Variants in CEP63 observed in about 807,000 individuals in gnomAD.
CEP63 encodes the protein centrosomal protein 63.
CEP63 carries 84 observed loss-of-function variants against 89.1 expected under a neutral mutation model. The observed-to-expected ratio is 0.94, with a 90% CI of 0.79 to 1.13. The LOEUF (loss-of-function observed/expected upper bound fraction) is 1.13. CEP63 is among the 50% of genes most tolerant of loss of function. CEP63 has a pLI of 0.00. For missense variants in CEP63, 838 were observed against 813.3 expected, an observed-to-expected ratio of 1.03 and a Z score of -0.37; for synonymous variants, 267 against 272.5, an observed-to-expected ratio of 0.98 and a Z score of 0.20.
downstream of CEP63, among the ~76,000 whole-genome samples, chr3:134,588,227 T>A (rs1226165847): frequency 6.6e-6 from 1 of 151,950 alleles, no homozygotes; most frequent in African/African-American, 2.4e-5. Flanking sequence ...GGATAGAGGT[T>A]GCAGTGAGCT....
chr3:134,624,964 T>A, the CEP63 span: 2 of 1,131,370 alleles, frequency 1.8e-6, no homozygotes, highest in Non-Finnish European at 2.6e-6. Flanking sequence ...TCAGGATATG[T>A]TCAGGAGGTG....
At chr3:134,514,919 A>T (rs553498705) in intron 3 of CEP63, among the ~76,000 whole-genome samples, 1 of 152,292 alleles carries the variant, frequency 6.6e-6, no homozygotes, top group African/African-American at 2.4e-5. Context: ...GAGTTTTGCT[A>T]TGTTGCCCAG....
In CEP63 at chr3:134,552,017, A is replaced by G. The variant is rs1954975817; in HGVS notation, c.1467+5A>G. On this transcript the variant is annotated splice_donor_5th_base_variant and intron_variant, in intron 12 of 14. Coordinates refer to ENST00000675561, the MANE Select transcript of CEP63 (RefSeq NM_001353108.3). ...TTGGAATTGGGTTTACATGAGGTAC[A>G]TAAATAGAAACTTAAGTTTTTCTAC... 3 of 1,533,708 alleles carry G rather than the reference A, an allele frequency of 2.0e-6. No individual in the cohort carries two copies. The highest frequency in any genetic ancestry group is 1.4e-5 in the African/African-American group (1 of 73,220).
the CEP63 span, among the ~76,000 whole-genome samples, chr3:134,743,767 C>T: frequency 6.6e-6 from 1 of 152,080 alleles, no homozygotes; most frequent in Non-Finnish European, 1.5e-5. Context: ...GTCTTCTTCC[C>T]CATTGGAACA....
chr3:134,517,465 G>A (rs1946503828), intron 3 of CEP63, among the ~76,000 whole-genome samples: 2 of 152,240 alleles, frequency 1.3e-5, no homozygotes, highest in East Asian at 3.9e-4. Flanking sequence ...CATGATCAGC[G>A]AACTTGACTT....
intron 12 of CEP63, chr3:134,552,793 C>A (rs1158708775): frequency 1.3e-5 from 2 of 151,906 alleles, no homozygotes; most frequent in African/African-American, 4.8e-5. Context: ...TATCCAAGGA[C>A]TTTTAGTAGG....
At chr3:134,651,311 T>G in the CEP63 span, 1 of 1,177,492 alleles carries the variant, frequency 8.5e-7, no homozygotes, top group Non-Finnish European at 1.1e-6. Flanking sequence ...GAAGCGCTGG[T>G]CCTGGGCTCC....
At chr3:134,689,216 G>T in the CEP63 span, among the ~76,000 whole-genome samples, 19 of 151,922 alleles carry the variant, frequency 1.3e-4, 1 homozygote, top group South Asian at 1.9e-3. Context: ...ATGACTTCTT[G>T]TGGCCTCTTT....
downstream of CEP63, among the ~76,000 whole-genome samples, chr3:134,587,836 TA>T (rs79610579): frequency 0.017 from 1,971 of 116,712 alleles, 17 homozygotes; most frequent in Middle Eastern, 0.057. Context: ...GACCCCCCTA[TA>T]AAAAAAAAAA....
chr3:134,695,436 C>A, the CEP63 span, among the ~76,000 whole-genome samples: 2 of 152,182 alleles, frequency 1.3e-5, no homozygotes, highest in East Asian at 3.9e-4. Flanking sequence ...AGAGATGGGG[C>A]CTGCCCATAC....
chr3:134,773,609 C>T, the CEP63 span, among the ~76,000 whole-genome samples: 1 of 152,102 alleles, frequency 6.6e-6, no homozygotes, highest in Admixed American at 6.5e-5. Flanking sequence ...CAGAAATGAC[C>T]ACTGCCATTT....
chr3:134,714,865 A>T, the CEP63 span, among the ~76,000 whole-genome samples: 1 of 152,206 alleles, frequency 6.6e-6, no homozygotes, highest in Admixed American at 6.5e-5. Flanking sequence ...GATGAATATG[A>T]TCCACCCCAA....
chr3:134,760,872 C>T, the CEP63 span, among the ~76,000 whole-genome samples: 9 of 152,268 alleles, frequency 5.9e-5, no homozygotes, highest in South Asian at 1.5e-3. Flanking sequence ...TCTGCAGGTC[C>T]TAAGGGCTCA....
intron 12 of CEP63, chr3:134,552,852 G>A (rs1955222455): frequency 6.6e-6 from 1 of 151,994 alleles, no homozygotes; most frequent in African/African-American, 2.4e-5. Flanking sequence ...GCCTTTAAGA[G>A]AGATTTTGGA....
At chr3:134,526,118 T>C (rs1948594892) in intron 3 of CEP63, among the ~76,000 whole-genome samples, 1 of 152,108 alleles carries the variant, frequency 6.6e-6, no homozygotes, top group Non-Finnish European at 1.5e-5. Context: ...ATCTTGGGGG[T>C]TTTATTCATT....
intron 13 of CEP63, 25 bp downstream of exon 13, chr3:134,558,372 A>G: frequency 5.0e-6 from 7 of 1,407,298 alleles, no homozygotes; most frequent in Non-Finnish European, 7.0e-6. Flanking sequence ...AAGTTTATTT[A>G]AAATGTGTAT....
the CEP63 span, among the ~76,000 whole-genome samples, chr3:134,648,189 A>G: frequency 6.6e-6 from 1 of 152,162 alleles, no homozygotes; most frequent in Non-Finnish European, 1.5e-5. Context: ...CGGAAGGAGT[A>G]TTCAGTGCTC....
chr3:134,771,840 T>C, the CEP63 span, among the ~76,000 whole-genome samples: 1 of 151,662 alleles, frequency 6.6e-6, no homozygotes, highest in African/African-American at 2.4e-5. Flanking sequence ...AAATGTAAAA[T>C]AAAAAAAAGA....
chr3:134,537,066 T>C, intron 5 of CEP63, 89 bp from the exon 6 acceptor site: 1 of 827,882 alleles, frequency 1.2e-6, no homozygotes. Flanking sequence ...CCCAGGGACA[T>C]GGGGAGAAAT....
Sources: gnomAD v4.1 joint callset for allele counts (sites outside exome capture counted in the v4.1 genomes callset) on GRCh38, gnomAD v4.1.1 for gene constraint, MANE v1.5 for transcripts, NCBI Gene and HGNC (gene_info 2026-07-23, HGNC 2026-07-21) for gene names.